LTBP3: variants seen among roughly 807,000 people sequenced by gnomAD.
LTBP3 encodes latent-transforming growth factor beta-binding protein 3.
In LTBP3, 97 loss-of-function variants were observed where a neutral mutation model predicts 159.7. That is an observed-to-expected ratio of 0.61 (90% CI 0.52 to 0.72). The LOEUF is 0.72. Ranked by LOEUF, LTBP3 falls within the 30% of genes least tolerant of loss-of-function variation. The pLI is 0.00. For missense variants in LTBP3, 1,584 were observed against 1,864.3 expected (o/e 0.85, Z 2.77); for synonymous variants, 824 against 777.1 (o/e 1.06, Z -1.00).
chr11:65,546,188 T>C lies in LTBP3; in HGVS notation c.2353+254A>G, dbSNP rs894994551. 2.4e-5 allele frequency: 13 copies of C among 534,264 alleles called. No homozygotes were observed. Among genetic ancestry groups the C allele is most frequent in the African/African-American group, 8.1e-5 (4 of 49,504 alleles). The allele number at this position is 534,264 out of a possible 1,614,324, so 33.1% of individuals were successfully genotyped here. A position where few individuals can be genotyped will look rare whatever the true frequency, so the allele number is the denominator to read the frequency against. On this transcript the variant is annotated intron_variant, in intron 16 of 27. Coordinates refer to ENST00000301873, the MANE Select transcript of LTBP3 (RefSeq NM_001130144.3). This position sits in a 1 kb window ranked among gnomAD's most constrained non-coding sequence, Gnocchi z 4.0. ...GAGTACTATCGTCTGCCCTCATTCTTTGATATCTTTTTTCCTTCAAATTTA... is the reference window on the plus strand; with the variant it reads ...GAGTACTATCGTCTGCCCTCATTCTCTGATATCTTTTTTCCTTCAAATTTA...
Position 65,553,585 on chromosome 11 carries a change from G to C in LTBP3, c.865-55C>G. On this transcript the variant is annotated intron_variant, in intron 3 of 27. Coordinates refer to ENST00000301873, the MANE Select transcript of LTBP3 (RefSeq NM_001130144.3). This position sits in a 1 kb window ranked among gnomAD's most constrained non-coding sequence, Gnocchi z 6.5. ...AGAGCACCCCGCCCCGGTGCCGCCT[G>C]TTAGGGTTGGGCCTTTTCCTCTTCC... 1 of 1,503,492 alleles carries C rather than the reference G, an allele frequency of 6.7e-7. No homozygotes were observed. Among genetic ancestry groups the C allele is most frequent in the Non-Finnish European group, 9.1e-7 (1 of 1,093,306 alleles). 93.1% of individuals were successfully genotyped at this position (1,503,492 alleles called of 1,614,324 possible).
rs753572814 is a variant in LTBP3 at position 65,539,531 on chromosome 11, G to A, written c.3628+17C>T. On this transcript the variant is annotated intron_variant, in intron 26 of 27. Coordinates refer to ENST00000301873, the MANE Select transcript of LTBP3 (RefSeq NM_001130144.3). Reference sequence around the variant, plus strand: ...AAGGCTACCAACCCCGCCACCGCCCGACCCGGCAGCACTCACCTCTTGGGG... The same window carrying A: ...AAGGCTACCAACCCCGCCACCGCCCAACCCGGCAGCACTCACCTCTTGGGG... 10 of 1,610,724 alleles carry A rather than the reference G, an allele frequency of 6.2e-6. No homozygotes were observed. The highest frequency in any genetic ancestry group is 2.2e-5 in the East Asian group (1 of 44,720).
In LTBP3 at chr11:65,538,588, G is replaced by A. The variant is rs763799370; in HGVS notation, c.*492C>T. 14 of 1,603,798 alleles carry A rather than the reference G, an allele frequency of 8.7e-6. No individual in the cohort carries two copies. The South Asian group carries it at 1.1e-4, about 13-fold the overall frequency. ...CTGAACCGTGGCGGTGGCCCTTCCC[G>A]GCTGCGGAGAGCCCGCCCCACAGAT... On this transcript the variant is annotated 3_prime_UTR_variant, in exon 28 of 28. Transcript: ENST00000301873.
Position 65,539,114 on chromosome 11 carries a change from G to C in LTBP3, c.3878C>G (p.Pro1293Arg). ...VCKAGFARSR[P>R]HGACVPQRRR is the part of the protein sequence containing the mutation. ...GCGCTGGGGAACGCAGGCCCCGTGC[G>C]GGCGGCTGCGCGCGAAGCCGGCTTT... The change falls in exon 28 of 28, where the codon CCG (proline) becomes CGG (arginine). Residue 1293 changes from proline to arginine, a missense_variant. By Grantham distance (103) the Pro-to-Arg change is moderately radical. Transcript: ENST00000301873. The C allele has an allele frequency of 6.8e-7, 1 of 1,473,350 alleles. No individual in the cohort carries two copies. Among genetic ancestry groups the C allele is most frequent in the South Asian group, 1.3e-5 (1 of 79,712 alleles). The allele number at this position is 1,473,350 out of a possible 1,614,324, so 91.3% of individuals were successfully genotyped here.
In LTBP3 at chr11:65,557,984, G is replaced by C. The variant is rs1048276763; in HGVS notation, c.-25C>G. On this transcript the variant is annotated 5_prime_UTR_variant, in exon 1 of 28. Transcript: ENST00000301873. ...TCCGGGGCCGCAGGACCCGGGGGAG[G>C]GGGGGCGCGCCCGGGCGGGGCGAGG... is the stretch of plus-strand genomic sequence containing the variant. 9.9e-5 allele frequency: 111 copies of C among 1,126,748 alleles called. No homozygotes were observed. Among genetic ancestry groups the C allele is most frequent in the Non-Finnish European group, 1.1e-4 (106 of 922,368 alleles). The allele number at this position is 1,126,748 out of a possible 1,614,324, so 69.8% of individuals were successfully genotyped here. A position where few individuals can be genotyped will look rare whatever the true frequency, so the allele number is the denominator to read the frequency against.
intron 18 of LTBP3, 174 bp downstream of exon 18, chr11:65,542,931 A>AGGATGGATGGATGGATGGAT (rs140563368): frequency 2.9e-5 from 24 of 817,630 alleles, no homozygotes; most frequent in African/African-American, 9.1e-5. Context: ...GATGGATAGA[A>AGGATGGATGGATGGATGGAT]GGATGGATGG....
Position 65,553,895 on chromosome 11 carries a change from GGGCCTGCACTGGGGGCGGGCGCGGT to G in LTBP3, c.662-17_669del. On this transcript the variant is annotated splice_acceptor_variant and splice_polypyrimidine_tract_variant and coding_sequence_variant and intron_variant, in exon 3 of 28. Transcript: ENST00000301873. LOFTEE classifies it high-confidence loss of function. The surrounding 1 kb of genome is among the most constrained non-coding windows in gnomAD (Gnocchi z 6.5). The stretch of plus-strand genomic sequence containing the variant: ...ACGCGCACATTCACCACGGGGGGCG[GGGCCTGCACTGGGGGCGGGCGCGGT>G]GGCCTCAGGGCTGCCCGCACCGCGC... The G allele has an allele frequency of 6.5e-7, 1 of 1,546,690 alleles. No individual in the cohort carries two copies. The highest frequency in any genetic ancestry group is 8.7e-7 in the Non-Finnish European group (1 of 1,151,656).
In LTBP3 at chr11:65,552,209, G is replaced by A; in HGVS notation, c.1345+39C>T. ...GTGAGCATTTCCTGGACAGGTGCATGGACCTATGAACCCCTATCCCCGGGT... is the reference window on the plus strand; with the variant it reads ...GTGAGCATTTCCTGGACAGGTGCATAGACCTATGAACCCCTATCCCCGGGT... On this transcript the variant is annotated intron_variant, in intron 7 of 27. Transcript: ENST00000301873. This position sits in a 1 kb window ranked among gnomAD's most constrained non-coding sequence, Gnocchi z 6.0. 1 of 1,614,072 alleles carries A rather than the reference G, an allele frequency of 6.2e-7. No individual in the cohort carries two copies. Among genetic ancestry groups the A allele is most frequent in the Non-Finnish European group, 8.5e-7 (1 of 1,179,936 alleles).
At chr11:65,556,654 CA>C (rs1856821797) in intron 1 of LTBP3, among the ~76,000 whole-genome samples, 1 of 152,268 alleles carries the variant, frequency 6.6e-6, no homozygotes, top group South Asian at 2.1e-4. Context: ...ACCCCAGACA[CA>C]GGGGCAATAT....
Position 65,546,644 on chromosome 11 carries a change from C to T in LTBP3, c.2231-80G>A, listed in dbSNP as rs1856383286. 3.8e-6 allele frequency: 6 copies of T among 1,586,810 alleles called. No individual in the cohort carries two copies. Among genetic ancestry groups the T allele is most frequent in the South Asian group, 1.1e-5 (1 of 89,588 alleles). On this transcript the variant is annotated intron_variant, in intron 15 of 27. Coordinates refer to ENST00000301873, the MANE Select transcript of LTBP3 (RefSeq NM_001130144.3). This position sits in a 1 kb window ranked among gnomAD's most constrained non-coding sequence, Gnocchi z 4.0. Reference sequence around the variant, plus strand: ...ACCTCGCGGGGGTGTGGGTCTCTTCCCTGGAACGCGGGGTTGAGAGGGCAG... The same window carrying T: ...ACCTCGCGGGGGTGTGGGTCTCTTCTCTGGAACGCGGGGTTGAGAGGGCAG...
chr11:65,558,306 T>G lies in LTBP3; in HGVS notation c.-347A>C. 1 of 674,916 alleles carries G rather than the reference T, an allele frequency of 1.5e-6. No homozygotes were observed. The highest frequency in any genetic ancestry group is 1.9e-6 in the Non-Finnish European group (1 of 532,962). 41.8% of individuals were successfully genotyped at this position (674,916 alleles called of 1,614,324 possible). On this transcript the variant is annotated 5_prime_UTR_variant, in exon 1 of 28. Transcript: ENST00000301873. ...CCGCGCCTCCCCCTGGCCGGGCTCC[T>G]CTCCCGCGGCCGCGGGGAGGCAGGG...
intron 21 of LTBP3, 105 bp downstream of exon 21, chr11:65,540,766 G>A: frequency 1.5e-6 from 2 of 1,294,306 alleles, no homozygotes; most frequent in Non-Finnish European, 2.1e-6. Context: ...GTGCGGGCGG[G>A]GCTTACCCGG....
At position 65,552,508 on chromosome 11, in the gene LTBP3, T is replaced by C. The variant is rs1856649008; in HGVS notation, c.1187-102A>G. 2.8e-6 allele frequency: 4 copies of C among 1,433,306 alleles called. No homozygotes were observed. Among genetic ancestry groups the C allele is most frequent in the African/African-American group, 1.4e-5 (1 of 71,262 alleles). The allele number at this position is 1,433,306 out of a possible 1,614,324, so 88.8% of individuals were successfully genotyped here. On this transcript the variant is annotated intron_variant, in intron 6 of 27. Coordinates refer to ENST00000301873, the MANE Select transcript of LTBP3 (RefSeq NM_001130144.3). The surrounding 1 kb of genome is among the most constrained non-coding windows in gnomAD (Gnocchi z 6.0). ...TTGCCTCTCCGGCCCAGACAACCCT[T>C]GATCCCCCATGTGGTCTCTGACCCC...
At position 65,553,723 on chromosome 11, in the gene LTBP3, T is replaced by G; in HGVS notation, c.842A>C (p.Gln281Pro). Residue 281 changes from glutamine to proline, a missense_variant, in exon 3 of 28, where the codon CAG becomes CCG. Around this residue, in one of 6 missense-constraint regions of LTBP3, gnomAD observed 194 missense variants for 198.7 expected, o/e 0.98. Coordinates refer to ENST00000301873, the MANE Select transcript of LTBP3 (RefSeq NM_001130144.3). This position sits in a 1 kb window ranked among gnomAD's most constrained non-coding sequence, Gnocchi z 6.5. ...PTQKPLGRCF[Q>P]DTLPKQPCGS... Reference sequence around the variant, plus strand: ...CACCGGCTGCTTGGGCAGAGTGTCCTGAAAGCAGCGGCCCAGGGGCTTCTG... The same window carrying G: ...CACCGGCTGCTTGGGCAGAGTGTCCGGAAAGCAGCGGCCCAGGGGCTTCTG... 6.3e-7 allele frequency: 1 copy of G among 1,578,700 alleles called. No individual in the cohort carries two copies. The highest frequency in any genetic ancestry group is 1.3e-5 in the African/African-American group (1 of 74,494).
In LTBP3 at chr11:65,551,959, G is replaced by A; in HGVS notation, c.1531+13C>T. The A allele has an allele frequency of 6.2e-7, 1 of 1,613,620 alleles. No individual in the cohort carries two copies. The highest frequency in any genetic ancestry group is 1.1e-5 in the South Asian group (1 of 91,068). On this transcript the variant is annotated intron_variant, in intron 8 of 27. Transcript: ENST00000301873. ...TTGGCATGGGTCAGGGATCAGAAGG[G>A]GTCAGGCTAGACCTCTCTCTTCCTC...
chr11:65,541,979 C>T (rs557012807), intron 18 of LTBP3: 1 of 482,294 alleles, frequency 2.1e-6, no homozygotes, highest in South Asian at 2.0e-5. Flanking sequence ...ATGGAAAGGC[C>T]TCAAATGCAA....
intron 21 of LTBP3, 125 bp from the exon 22 acceptor site, chr11:65,540,739 C>CGGGGCCTACAGGGT: frequency 4.5e-6 from 4 of 897,062 alleles, no homozygotes; most frequent in African/African-American, 4.5e-5. Context: ...GCCTACAGGG[C>CGGGGCCTACAGGGT]GGGGCCTGCG....
At position 65,547,899 on chromosome 11, in the gene LTBP3, C is replaced by T. The variant is rs781545942; in HGVS notation, c.1846+21G>A. ...GTCCCCCCCCACCCACCTGCATGCC[C>T]GCCGCCTGCCCTGCGCTCACCCACG... On this transcript the variant is annotated intron_variant, in intron 12 of 27. Transcript: ENST00000301873. The surrounding 1 kb of genome is among the most constrained non-coding windows in gnomAD (Gnocchi z 4.6). The T allele has an allele frequency of 4.3e-6, 7 of 1,613,540 alleles. No individual in the cohort carries two copies. The highest frequency in any genetic ancestry group is 2.2e-5 in the South Asian group (2 of 91,080).
At chr11:65,542,037 C>T in intron 18 of LTBP3, 1 of 362,538 alleles carries the variant, frequency 2.8e-6, no homozygotes, top group Non-Finnish European at 5.5e-6. Flanking sequence ...CTCTAGACCA[C>T]CCTCCACTCC....
Sources: allele counts gnomAD v4.1 joint callset (sites outside exome capture counted in the v4.1 genomes callset), GRCh38; gene constraint gnomAD v4.1.1; regional missense constraint gnomAD v4.1.1; non-coding constraint Gnocchi (gnomAD v3.1); transcripts MANE v1.5; gene names NCBI Gene and HGNC (gene_info 2026-07-23, HGNC 2026-07-21).